The following PTK2B variants were observed in gnomAD, a reference collection of about 807,000 sequenced individuals.
PTK2B encodes protein-tyrosine kinase 2-beta.
A neutral mutation model predicts 142.9 loss-of-function variants in PTK2B; 71 were observed. That is an observed-to-expected ratio of 0.50 (90% CI 0.41 to 0.61). The LOEUF (loss-of-function observed/expected upper bound fraction) is 0.61, where lower values mean the gene tolerates loss of function less well. PTK2B is among the 20% of genes least tolerant of loss of function. The pLI is 0.00. For missense variants in PTK2B, 1,105 were observed against 1,320.4 expected (o/e 0.84, Z 2.53); for synonymous variants, 519 against 503.4 (o/e 1.03, Z -0.42).
At chr8:27,320,973 C>T (rs1803198033), upstream of PTK2B, among the ~76,000 whole-genome samples, 1 of 41,660 alleles carries the variant, frequency 2.4e-5, no homozygotes, top group African/African-American at 7.8e-5. Flanking sequence ...CATTGGCATA[C>T]AAAAGGCTTT....
At chr8:27,311,400 G>A, upstream of PTK2B, 1 of 864,194 alleles carries the variant, frequency 1.2e-6, no homozygotes, top group Non-Finnish European at 1.7e-6. Context: ...TGGCGAGGGG[G>A]AGGGAGGGGG....
intron 1 of PTK2B, among the ~76,000 whole-genome samples, chr8:27,374,891 A>C (rs1266854615): frequency 6.6e-6 from 1 of 152,054 alleles, no homozygotes; most frequent in Non-Finnish European, 1.5e-5. Flanking sequence ...AAAGCACTGC[A>C]CTATGTGATG....
chr8:27,337,591 A>ATAAGTGGAATTGTACAACAC (rs1352041015), intron 1 of PTK2B, among the ~76,000 whole-genome samples: 1 of 152,234 alleles, frequency 6.6e-6, no homozygotes, highest in Non-Finnish European at 1.5e-5. Flanking sequence ...GTCATTCCAT[A>ATAAGTGGAATTGTACAACAC]TAAGTGGAAT....
rs1337750635 is a variant in PTK2B, at chr8:27,396,839, C to T, written c.-37-709C>T. ...GAACTGGGCTGGGTTTTCTAGAGTC[C>T]CAGCTCAGCTCCTTCCCATGTGCAG... On this transcript the variant is annotated intron_variant, in intron 1 of 30. Transcript: ENST00000346049. Among the ~76,000 whole-genome samples the T allele has an allele frequency of 2.0e-5, 3 of 152,194 alleles. No individual in the cohort carries two copies. The South Asian group carries it at 6.2e-4, about 31-fold the overall frequency.
chr8:27,401,679 C>T (rs1808395058), intron 2 of PTK2B, among the ~76,000 whole-genome samples: 1 of 152,166 alleles, frequency 6.6e-6, no homozygotes, highest in Admixed American at 6.5e-5. Flanking sequence ...GTTTTCATTC[C>T]ATCTCTTATG....
At chr8:27,430,463 G>C (rs1810340446) in intron 7 of PTK2B, 45 bp downstream of exon 7, 1 of 1,606,990 alleles carries the variant, frequency 6.2e-7, no homozygotes. Flanking sequence ...TGATTCCCGA[G>C]ACTAGAGTGT....
At chr8:27,405,805 T>A (rs780837011) in intron 2 of PTK2B, among the ~76,000 whole-genome samples, 1 of 152,258 alleles carries the variant, frequency 6.6e-6, no homozygotes, top group Non-Finnish European at 1.5e-5. Context: ...TAGAGACTTT[T>A]ATCACGTCAA....
At chr8:27,390,548 A>C (rs1807651839) in intron 1 of PTK2B, among the ~76,000 whole-genome samples, 1 of 152,146 alleles carries the variant, frequency 6.6e-6, no homozygotes, top group South Asian at 2.1e-4. Context: ...GGCCAAGGCA[A>C]GAGGATCACC....
intron 1 of PTK2B, among the ~76,000 whole-genome samples, chr8:27,364,888 A>G (rs1046508328): frequency 2.0e-5 from 3 of 152,152 alleles, no homozygotes; most frequent in Non-Finnish European, 4.4e-5. Flanking sequence ...GCCAAAATCA[A>G]TGCATTTGTC....
chr8:27,432,401 G>T, intron 10 of PTK2B, 40 bp downstream of exon 10: 2 of 1,588,076 alleles, frequency 1.3e-6, no homozygotes, highest in Non-Finnish European at 1.7e-6. Context: ...CAGCTCTGCA[G>T]GGGGTATAAT....
Position 27,432,304 on chromosome 8 carries a change from C to T in PTK2B, c.930C>T (p.Cys310=). 1 of 1,614,128 alleles carries T rather than the reference C, an allele frequency of 6.2e-7. No individual in the cohort carries two copies. Among genetic ancestry groups the T allele is most frequent in the Non-Finnish European group, 8.5e-7 (1 of 1,180,028 alleles). Residue 310 remains cysteine, a synonymous_variant, in exon 10 of 31, where the codon TGC becomes TGT. Coordinates refer to ENST00000346049, the MANE Select transcript of PTK2B (RefSeq NM_173176.3). ...TCAAGCAGATCAGGTCCATCAGGTG[C>T]CTCCCGCTGGAGGAGGGCCAGGCAG... ...AEFKQIRSIR[C]LPLEEGQAVL...
intron 1 of PTK2B, among the ~76,000 whole-genome samples, chr8:27,333,148 C>T (rs1803860377): frequency 6.6e-6 from 1 of 152,068 alleles, no homozygotes; most frequent in African/African-American, 2.4e-5. Context: ...GAGATGGTGG[C>T]TGTAGTCAAA....
intron 1 of PTK2B, among the ~76,000 whole-genome samples, chr8:27,347,171 G>A (rs183655409): frequency 1.2e-4 from 18 of 150,596 alleles, no homozygotes; most frequent in Non-Finnish European, 1.9e-4. Flanking sequence ...GAGGACAGGA[G>A]TTCGAGACCA....
chr8:27,332,280 T>G (rs1803800059), intron 1 of PTK2B, among the ~76,000 whole-genome samples: 1 of 152,272 alleles, frequency 6.6e-6, no homozygotes, highest in Admixed American at 6.5e-5. Context: ...CTTCCTTTTC[T>G]CATTTGAAGA....
At position 27,454,281 on chromosome 8, in the gene PTK2B, T is replaced by C. The variant is rs757947502; in HGVS notation, c.2723T>C (p.Val908Ala). ...CAGCTGCCCCCCGAGGGCTACGTGG[T>C]GGTGGTGAAGGTGAGAGCAGGGCTG... is the stretch of plus-strand genomic sequence containing the variant. Reference protein sequence around the residue: ...LCQLPPEGYVVVVKNVGLTLR... With the variant: ...LCQLPPEGYVAVVKNVGLTLR... Residue 908 changes from valine (V) to alanine (A), a missense_variant, in exon 29 of 31, where the codon GTG becomes GCG. Physicochemically the swap from Val to Ala is moderately conservative, Grantham distance 64. Coordinates refer to ENST00000346049, the MANE Select transcript of PTK2B (RefSeq NM_173176.3). 6.2e-7 allele frequency: 1 copy of C among 1,613,154 alleles called. No individual in the cohort carries two copies. The highest frequency in any genetic ancestry group is 8.5e-7 in the Non-Finnish European group (1 of 1,179,822).
intron 4 of PTK2B, 169 bp from the exon 5 acceptor site, chr8:27,422,135 A>T: frequency 1.8e-6 from 1 of 545,402 alleles, no homozygotes; most frequent in Non-Finnish European, 3.1e-6. Flanking sequence ...GTGGAGGCAC[A>T]AGCACCCTTT....
intron 9 of PTK2B, 139 bp downstream of exon 9, chr8:27,431,611 C>T (rs1305615823): frequency 1.6e-5 from 17 of 1,066,708 alleles, no homozygotes; most frequent in Non-Finnish European, 2.3e-5. Context: ...CATGCCCTGG[C>T]GTGAGCAGCA....
intron 1 of PTK2B, among the ~76,000 whole-genome samples, chr8:27,358,946 A>G (rs1313905181): frequency 6.6e-6 from 1 of 152,200 alleles, no homozygotes; most frequent in Non-Finnish European, 1.5e-5. Context: ...CCAAATTGGA[A>G]GGATTTTATG....
chr8:27,377,023 T>G (rs1806713247), intron 1 of PTK2B, among the ~76,000 whole-genome samples: 1 of 152,146 alleles, frequency 6.6e-6, no homozygotes, highest in Non-Finnish European at 1.5e-5. Context: ...CTCCTGCGTT[T>G]AGAACCAGAG....
Sources: gnomAD v4.1 joint callset for allele counts (sites outside exome capture counted in the v4.1 genomes callset) on GRCh38, gnomAD v4.1.1 for gene constraint, MANE v1.5 for transcripts, NCBI Gene and HGNC (gene_info 2026-07-23, HGNC 2026-07-21) for gene names.